The following PSMD12 variants were observed in gnomAD, a reference collection of about 807,000 sequenced individuals.
PSMD12 encodes proteasome 26S subunit, non-ATPase 12.
A neutral mutation model predicts 62.9 loss-of-function variants in PSMD12; 8 were observed. That is an observed-to-expected ratio of 0.13 (90% confidence interval 0.07 to 0.23). PSMD12 has a LOEUF of 0.23. Ranked by LOEUF, PSMD12 falls within the 10% of genes least tolerant of loss-of-function variation. PSMD12 has a pLI of 1.00. For synonymous variants in PSMD12, 173 were observed against 187.4 expected (o/e 0.92, Z 0.63); for missense variants, 424 against 550.2 (o/e 0.77, Z 2.29).
At chr17:67,355,998 A>G (rs1477774910) in intron 3 of PSMD12, among the ~76,000 whole-genome samples, 1 of 150,800 alleles carries the variant, frequency 6.6e-6, no homozygotes, top group African/African-American at 2.4e-5. Flanking sequence ...ACACACACAC[A>G]CACACACACA....
intron 1 of PSMD12, among the ~76,000 whole-genome samples, chr17:67,365,058 C>A (rs749820607): frequency 9.2e-5 from 14 of 152,112 alleles, no homozygotes; most frequent in Admixed American, 2.0e-4. Context: ...CGTGGTGGCA[C>A]CTGTAGTCCT....
chr17:67,350,466 G>A (rs926463797), intron 3 of PSMD12, 130 bp from the exon 4 acceptor site: 40 of 545,846 alleles, frequency 7.3e-5, no homozygotes, highest in Non-Finnish European at 1.0e-4. Context: ...ATGTCATAAA[G>A]AACATCACAT....
intron 3 of PSMD12, among the ~76,000 whole-genome samples, chr17:67,356,557 CAAAAAAAAAAAA>C (rs35353017): frequency 0.12 from 1,805 of 14,924 alleles, 19 homozygotes; most frequent in Middle Eastern, 0.5. Context: ...GACTCCGTCT[CAAAAAAAAAAAA>C]AAAAAAAAAA....
In PSMD12 at chr17:67,354,016, G is replaced by A. The variant is rs185220559; in HGVS notation, c.297+3287C>T. On this transcript the variant is annotated intron_variant, in intron 3 of 10. Coordinates refer to ENST00000356126, the MANE Select transcript of PSMD12 (RefSeq NM_002816.5). ...CTATGATTACTTGTGACTTACATAC[G>A]TTACTAACCAATAGGGTGCCAAGGG... 2.4e-4 allele frequency among the ~76,000 whole-genome samples: 37 copies of A among 152,194 alleles called. No homozygotes were observed. In the East Asian group the frequency reaches 6.7e-3, roughly 28 times the overall value.
At chr17:67,361,443 G>A (rs908931276) in intron 1 of PSMD12, among the ~76,000 whole-genome samples, 6 of 152,088 alleles carry the variant, frequency 3.9e-5, no homozygotes, top group African/African-American at 1.4e-4. Context: ...TTAGCCGGGC[G>A]TGGTGGTAAG....
Position 67,366,486 on chromosome 17 carries a change from GC to G in PSMD12, c.33del (p.Arg12AlafsTer23). On this transcript the variant is annotated frameshift_variant, in exon 1 of 11. Transcript: ENST00000356126. LOFTEE classifies it high-confidence loss of function. The stretch of plus-strand genomic sequence containing the variant: ...TAGTCCACCTCCATCTTGACGATGC[GC>G]CCGTCAGCCCGCTCCGAGCCGCCGT... MADGGSERAD[G>X]RIVKMEVDYS... The G allele has an allele frequency of 1.2e-6, 2 of 1,609,546 alleles. No homozygotes were observed. The highest frequency in any genetic ancestry group is 8.5e-7 in the Non-Finnish European group (1 of 1,178,832).
chr17:67,354,289 T>C (rs1384793027), intron 3 of PSMD12, among the ~76,000 whole-genome samples: 1 of 151,974 alleles, frequency 6.6e-6, no homozygotes, highest in Non-Finnish European at 1.5e-5. Flanking sequence ...CTTGTGCCTG[T>C]AGCACCAGCT....
At chr17:67,356,156 A>G (rs534500457) in intron 3 of PSMD12, among the ~76,000 whole-genome samples, 13 of 152,282 alleles carry the variant, frequency 8.5e-5, no homozygotes, top group Admixed American at 8.5e-4. Flanking sequence ...GTTTAAGTCT[A>G]CACAGGACAA....
At chr17:67,345,205 T>C (rs527438577) in intron 8 of PSMD12, among the ~76,000 whole-genome samples, 10 of 152,374 alleles carry the variant, frequency 6.6e-5, no homozygotes, top group Non-Finnish European at 1.3e-4. Flanking sequence ...GTAGACCTGA[T>C]ATGAAACTTC....
At position 67,339,947 on chromosome 17, in the gene PSMD12, G is replaced by GAT; in HGVS notation, c.*895_*896insAT. 1 of 151,246 alleles carries GAT rather than the reference G, an allele frequency of 6.6e-6. No individual in the cohort carries two copies. Among genetic ancestry groups the GAT allele is most frequent in the African/African-American group, 2.4e-5 (1 of 41,120 alleles). The allele number at this position is 151,246 out of a possible 1,614,324, so 9.4% of individuals were successfully genotyped here. On this transcript the variant is annotated 3_prime_UTR_variant, in exon 11 of 11. Coordinates refer to ENST00000356126, the MANE Select transcript of PSMD12 (RefSeq NM_002816.5). ...TAGGTTATCCAGTGTTCATATAATG[G>GAT]AACTAAAAGTTCCTACAGAGATAAT...
At position 67,366,430 on chromosome 17, in the gene PSMD12, C is replaced by G. The variant is rs761722061; in HGVS notation, c.90G>C (p.Glu30Asp). The G allele has an allele frequency of 3.1e-6, 5 of 1,612,054 alleles. No individual in the cohort carries two copies. In the African/African-American group the frequency reaches 6.7e-5, roughly 22 times the overall value. ...YSATVDQRLP[E>D]CAKLAKEGRL... Reference sequence around the variant, plus strand: ...TCCTCACCTTGGCTAGCTTCGCACACTCGGGTAGGCGCTGATCCACCGTGG... The same window carrying G: ...TCCTCACCTTGGCTAGCTTCGCACAGTCGGGTAGGCGCTGATCCACCGTGG... The change falls in exon 1 of 11, where the codon GAG becomes GAC. Residue 30 changes from glutamate to aspartate, a missense_variant. Glu to Asp is a conservative substitution (Grantham distance 45). Coordinates refer to ENST00000356126, the MANE Select transcript of PSMD12 (RefSeq NM_002816.5).
rs745937964 is a variant in PSMD12, at chr17:67,366,409, C to T, written c.108+3G>A. On this transcript the variant is annotated splice_donor_region_variant and intron_variant, in intron 1 of 10. Coordinates refer to ENST00000356126, the MANE Select transcript of PSMD12 (RefSeq NM_002816.5). ...CGCCAACAGCCAGCCGGCCTCTCCT[C>T]ACCTTGGCTAGCTTCGCACACTCGG... 3.7e-6 allele frequency: 6 copies of T among 1,609,456 alleles called. No individual in the cohort carries two copies. In the Admixed American group the frequency reaches 8.3e-5, roughly 22 times the overall value.
Position 67,357,556 on chromosome 17 carries a change from A to G in PSMD12, c.131T>C (p.Ile44Thr), listed in dbSNP as rs748527735. ...CTTTTCCAGAGAGAGAAGGGTTTCA[A>G]TGACTTCTTGAAGTCTTCCTTCCTA... ...LAKEGRLQEV[I>T]ETLLSLEKQT... The change falls in exon 2 of 11, where the codon ATT becomes ACT. Residue 44 changes from isoleucine (I) to threonine (T), a missense_variant. Transcript: ENST00000356126. 1 of 1,613,834 alleles carries G rather than the reference A, an allele frequency of 6.2e-7. No homozygotes were observed. Among genetic ancestry groups the G allele is most frequent in the South Asian group, 1.1e-5 (1 of 91,074 alleles).
chr17:67,350,769 G>A (rs1322064549), intron 3 of PSMD12, among the ~76,000 whole-genome samples: 1 of 152,216 alleles, frequency 6.6e-6, no homozygotes, highest in Non-Finnish European at 1.5e-5. Context: ...GACACTGAGA[G>A]CCAGAGACCC....
In PSMD12 at chr17:67,342,194, A is replaced by G; in HGVS notation, c.1153T>C (p.Ser385Pro). The G allele has an allele frequency of 6.4e-7, 1 of 1,572,242 alleles. No individual in the cohort carries two copies. The highest frequency in any genetic ancestry group is 8.8e-7 in the Non-Finnish European group (1 of 1,142,588). ...AGTTGATTACTACTTACATCAACAGATAGATCCAGAAGCTGTGCCATCCTT... is the reference window on the plus strand; with the variant it reads ...AGTTGATTACTACTTACATCAACAGGTAGATCCAGAAGCTGTGCCATCCTT... ...MKRMAQLLDL[S>P]VDESEAFLSN... Residue 385 changes from serine (S) to proline (P), a missense_variant, in exon 10 of 11, where the codon TCT (serine) becomes CCT (proline). Physicochemically the swap from Ser to Pro is moderately conservative, Grantham distance 74. Transcript: ENST00000356126.
intron 3 of PSMD12, among the ~76,000 whole-genome samples, chr17:67,351,104 A>T (rs1365928018): frequency 6.6e-6 from 1 of 152,118 alleles, no homozygotes; most frequent in Non-Finnish European, 1.5e-5. Flanking sequence ...AACAATCAGG[A>T]CCATGGGTCA....
rs760748845 is a variant in PSMD12 at position 67,344,639 on chromosome 17, C to T, written c.1050G>A (p.Arg350=). Residue 350 remains arginine (R), a synonymous_variant, in exon 9 of 11, where the codon AGG becomes AGA. Transcript: ENST00000356126. Reference sequence around the variant, plus strand: ...CAACTCTGTTCTTCAAGTCTTTCCACCTTTTTTCACCTTCCTCTGTAGAAC... The same window carrying T: ...CAACTCTGTTCTTCAAGTCTTTCCATCTTTTTTCACCTTCCTCTGTAGAAC... ...VFGSTEEGEK[R]WKDLKNRVVE... is the part of the protein sequence containing the mutation. 9.4e-5 allele frequency: 151 copies of T among 1,611,768 alleles called. 1 individual carries two copies. The highest frequency in any genetic ancestry group is 1.4e-5 in the Non-Finnish European group (16 of 1,178,680).
At chr17:67,354,922 G>A (rs765809510) in intron 3 of PSMD12, among the ~76,000 whole-genome samples, 6 of 151,826 alleles carry the variant, frequency 4.0e-5, no homozygotes, top group African/African-American at 9.7e-5. Flanking sequence ...CCCGAGGGGC[G>A]GAGGTTGCAG....
At chr17:67,360,723 G>A (rs995920530) in intron 1 of PSMD12, among the ~76,000 whole-genome samples, 21 of 152,064 alleles carry the variant, frequency 1.4e-4, no homozygotes, top group African/African-American at 4.3e-4. Context: ...CTGGATCCTC[G>A]TTTACTTGTC....
Sources: allele counts gnomAD v4.1 joint callset (sites outside exome capture counted in the v4.1 genomes callset), GRCh38; gene constraint gnomAD v4.1.1; transcripts MANE v1.5; gene names NCBI Gene and HGNC (gene_info 2026-07-23, HGNC 2026-07-21).